Variants in CCDC62 observed in about 807,000 individuals in gnomAD.
CCDC62 encodes the protein coiled-coil domain containing 62.
CCDC62 carries 72 observed loss-of-function variants against 80.8 expected under a neutral mutation model. That is an observed-to-expected ratio of 0.89 (90% confidence interval 0.74 to 1.08). CCDC62 has a LOEUF of 1.08. CCDC62 is among the 50% of genes least tolerant of loss of function. The pLI, the probability that CCDC62 is intolerant of heterozygous loss-of-function variation, is 0.00. For missense variants in CCDC62, 704 were observed against 809.4 expected, an observed-to-expected ratio of 0.87 and a Z score of 1.58; for synonymous variants, 286 against 296.5, an observed-to-expected ratio of 0.96 and a Z score of 0.36.
chr12:122,808,289 T>G (rs897044825), intron 10 of CCDC62, among the ~76,000 whole-genome samples: 3 of 152,044 alleles, frequency 2.0e-5, no homozygotes, highest in Non-Finnish European at 4.4e-5. Flanking sequence ...AGAGCGAGAT[T>G]CAATCTCAAA....
intron 10 of CCDC62, among the ~76,000 whole-genome samples, chr12:122,812,325 G>A (rs148544227): frequency 0.026 from 3,900 of 151,200 alleles, 92 homozygotes; most frequent in South Asian, 0.059. Flanking sequence ...AACTGTAGCC[G>A]CATCTACTCG....
intron 2 of CCDC62, among the ~76,000 whole-genome samples, chr12:122,779,796 T>C (rs1879711005): frequency 6.7e-6 from 1 of 148,962 alleles, no homozygotes; most frequent in South Asian, 2.1e-4. Flanking sequence ...TAATCCCAGC[T>C]ACTTGGGAGG....
chr12:122,775,361 C>G (rs190362829), intron 1 of CCDC62, among the ~76,000 whole-genome samples: 2 of 152,250 alleles, frequency 1.3e-5, no homozygotes, highest in Admixed American at 1.3e-4. Context: ...GTGGGCTTGC[C>G]CAAGGTTCGC....
At chr12:122,820,840 CA>C (rs35113362) in intron 11 of CCDC62, among the ~76,000 whole-genome samples, 17,113 of 129,548 alleles carry the variant, frequency 0.13, 1,109 homozygotes, top group African/African-American at 0.18. Flanking sequence ...GACTCTGTCT[CA>C]AAAAAAAAAA....
At chr12:122,806,545 C>T (rs551870832) in intron 10 of CCDC62, among the ~76,000 whole-genome samples, 12 of 152,020 alleles carry the variant, frequency 7.9e-5, no homozygotes, top group African/African-American at 2.4e-4. Context: ...GTGGTGCAAT[C>T]GTGGCTCACT....
intron 3 of CCDC62, among the ~76,000 whole-genome samples, chr12:122,783,106 C>CA (rs1238516906): frequency 9.7e-5 from 12 of 123,248 alleles, no homozygotes; most frequent in Admixed American, 7.9e-4. Context: ...GACTCCTTGT[C>CA]AAAAAAAAAG....
intron 6 of CCDC62, among the ~76,000 whole-genome samples, chr12:122,793,562 C>T (rs552121757): frequency 6.6e-6 from 1 of 152,102 alleles, no homozygotes; most frequent in African/African-American, 2.4e-5. Flanking sequence ...CTCATCACAG[C>T]CTCAAACTCC....
At chr12:122,818,740 T>C (rs1459986591) in intron 11 of CCDC62, among the ~76,000 whole-genome samples, 3 of 151,928 alleles carry the variant, frequency 2.0e-5, no homozygotes, top group Admixed American at 2.0e-4. Flanking sequence ...CTGGGCAAGA[T>C]AGTGAGACCC....
At position 122,825,885 on chromosome 12, in the gene CCDC62, G is replaced by GCATCA. The variant is rs1321653773; in HGVS notation, c.*41-537_*41-536insCATCA. Among the ~76,000 whole-genome samples the GCATCA allele has an allele frequency of 6.8e-4, 102 of 150,848 alleles. 2 individuals carry two copies. Among genetic ancestry groups the GCATCA allele is most frequent in the Middle Eastern group, 6.8e-3 (2 of 292 alleles). ...GCGCATGCCTGTAATCCCAGCTACT[G>GCATCA]GGGAGGCTGATGCAGGAGAATGGCT... On this transcript the variant is annotated intron_variant, in intron 12 of 12. Transcript: ENST00000253079.
At chr12:122,804,542 T>C (rs540481626) in intron 9 of CCDC62, among the ~76,000 whole-genome samples, 1 of 152,100 alleles carries the variant, frequency 6.6e-6, no homozygotes, top group East Asian at 1.9e-4. Flanking sequence ...CCCAATACTT[T>C]GGGAGGCCAA....
chr12:122,784,330 G>A (rs935564102), intron 3 of CCDC62, among the ~76,000 whole-genome samples: 2 of 152,168 alleles, frequency 1.3e-5, no homozygotes, highest in Non-Finnish European at 2.9e-5. Flanking sequence ...AGACCAGCCT[G>A]ACCAACATGG....
intron 11 of CCDC62, among the ~76,000 whole-genome samples, chr12:122,821,854 A>G (rs1250767715): frequency 6.6e-6 from 1 of 152,158 alleles, no homozygotes; most frequent in Non-Finnish European, 1.5e-5. Flanking sequence ...CCAGCTGTGT[A>G]TCTATCACCT....
intron 1 of CCDC62, among the ~76,000 whole-genome samples, chr12:122,775,106 A>C (rs1490779228): frequency 1.3e-5 from 2 of 151,000 alleles, no homozygotes; most frequent in African/African-American, 4.9e-5. Context: ...AAAAAAAAAA[A>C]AAAAAAAAAA....
At chr12:122,818,126 A>C (rs766939388) in intron 11 of CCDC62, among the ~76,000 whole-genome samples, 1 of 151,916 alleles carries the variant, frequency 6.6e-6, no homozygotes, top group Non-Finnish European at 1.5e-5. Flanking sequence ...GGGGCAACAT[A>C]CCAAGACTTT....
At chr12:122,777,216 T>G in intron 1 of CCDC62, 3 of 309,942 alleles carry the variant, frequency 9.7e-6, no homozygotes, top group South Asian at 4.7e-5. Flanking sequence ...CAGAAATAGG[T>G]TTATTTGTTT....
At chr12:122,792,799 T>C (rs531421352) in intron 6 of CCDC62, among the ~76,000 whole-genome samples, 1 of 152,346 alleles carries the variant, frequency 6.6e-6, no homozygotes, top group Non-Finnish European at 1.5e-5. Context: ...ATTACAGGCA[T>C]GAGCCATCAC....
intron 2 of CCDC62, among the ~76,000 whole-genome samples, chr12:122,778,155 C>G (rs1465696031): frequency 6.6e-6 from 1 of 151,952 alleles, no homozygotes; most frequent in Non-Finnish European, 1.5e-5. Context: ...GAACTAGAGA[C>G]CAGCCTGGCC....
Position 122,806,276 on chromosome 12 carries a change from C to T in CCDC62, c.1832C>T (p.Ala611Val). The change falls in exon 10 of 13, where the codon GCA (alanine) becomes GTA (valine). Residue 611 changes from alanine to valine, a missense_variant. By Grantham distance (64) the Ala-to-Val change is moderately conservative. Transcript: ENST00000253079. ...ACGAGTTTGTTAATCTACAAAGATG[C>T]ACCAGCATTCAATGAAAAGGTTCGT... ...SPTSLLIYKDAPAFNEKASIV... is the reference protein window; with the variant it reads ...SPTSLLIYKDVPAFNEKASIV... The T allele has an allele frequency of 6.2e-7, 1 of 1,610,028 alleles. No homozygotes were observed. Among genetic ancestry groups the T allele is most frequent in the Non-Finnish European group, 8.5e-7 (1 of 1,177,506 alleles).
intron 12 of CCDC62, 22 bp downstream of exon 12, chr12:122,823,481 C>G: frequency 9.3e-7 from 1 of 1,071,600 alleles, no homozygotes. Context: ...TTGCTTATCT[C>G]ACCTTATATC....
Sources: gnomAD v4.1 joint callset for allele counts (sites outside exome capture counted in the v4.1 genomes callset) on GRCh38, gnomAD v4.1.1 for gene constraint, MANE v1.5 for transcripts, NCBI Gene and HGNC (gene_info 2026-07-23, HGNC 2026-07-21) for gene names.